GRIK1: variants seen among roughly 807,000 people sequenced by gnomAD.
GRIK1 encodes the protein glutamate ionotropic receptor kainate type subunit 1.
A neutral mutation model predicts 105.7 loss-of-function variants in GRIK1; 69 were observed. The ratio of observed to expected loss-of-function variants is 0.65; its 90% CI spans 0.54 to 0.80. The LOEUF is 0.80. Among genes scored for constraint, GRIK1 ranks in the 30% least tolerant of loss-of-function variants. The probability of loss-of-function intolerance (pLI) is 0.00; values close to 1 mark genes in which losing one functional copy is unlikely to be tolerated. For missense variants in GRIK1, 1,109 were observed against 1,167.3 expected, an observed-to-expected ratio of 0.95 and a Z score of 0.73; for synonymous variants, 438 against 431.3, an observed-to-expected ratio of 1.02 and a Z score of -0.19.
chr21:29,555,744 G>A (rs1312580333), intron 15 of GRIK1, among the ~76,000 whole-genome samples: 1 of 152,172 alleles, frequency 6.6e-6, no homozygotes, highest in Non-Finnish European at 1.5e-5. Context: ...CGGAATGGGA[G>A]GTCAGACAGA....
At chr21:29,794,558 C>T (rs536140343) in intron 1 of GRIK1, among the ~76,000 whole-genome samples, 5 of 152,318 alleles carry the variant, frequency 3.3e-5, no homozygotes, top group East Asian at 1.9e-4. Context: ...AAATGTACCT[C>T]GTTCCTTGTG....
chr21:29,907,756 C>T (rs1194408850), intron 1 of GRIK1, among the ~76,000 whole-genome samples: 2 of 152,026 alleles, frequency 1.3e-5, no homozygotes, highest in Non-Finnish European at 2.9e-5. Flanking sequence ...TCATTCTGTC[C>T]ATAATATGCT....
At chr21:29,905,650 G>A (rs1474628377) in intron 1 of GRIK1, among the ~76,000 whole-genome samples, 2 of 118,052 alleles carry the variant, frequency 1.7e-5, no homozygotes, top group Non-Finnish European at 3.3e-5. Context: ...TTTTTGAGAC[G>A]GAGTCTCGCT....
chr21:29,747,333 T>C (rs547853345), intron 1 of GRIK1, among the ~76,000 whole-genome samples: 2 of 152,328 alleles, frequency 1.3e-5, no homozygotes, highest in African/African-American at 4.8e-5. Context: ...GAGCATCCTT[T>C]TGAGTAGGAT....
intron 1 of GRIK1, among the ~76,000 whole-genome samples, chr21:29,822,902 T>A (rs1327124591): frequency 6.6e-6 from 1 of 152,000 alleles, no homozygotes; most frequent in Non-Finnish European, 1.5e-5. Context: ...AATGACCAGG[T>A]ATCAAGTACA....
chr21:29,786,097 T>G (rs1420168659), intron 1 of GRIK1, among the ~76,000 whole-genome samples: 1 of 152,224 alleles, frequency 6.6e-6, no homozygotes, highest in Non-Finnish European at 1.5e-5. Flanking sequence ...CAAGCGATTC[T>G]CTTGTCTCAG....
chr21:29,724,286 G>A (rs2064396683), intron 1 of GRIK1, among the ~76,000 whole-genome samples: 1 of 152,144 alleles, frequency 6.6e-6, no homozygotes, highest in Non-Finnish European at 1.5e-5. Context: ...TCCCTGTGGG[G>A]AAAAAGACCT....
chr21:29,731,232 A>G (rs464099), intron 1 of GRIK1, among the ~76,000 whole-genome samples: 130,007 of 152,160 alleles, frequency 0.85, 57,171 homozygotes, highest in Non-Finnish European at 0.96. Flanking sequence ...TTCTGCGAAA[A>G]CTTTGGCCAA....
At chr21:29,651,081 A>C (rs1406185887) in intron 6 of GRIK1, 37 bp downstream of exon 6, 2 of 1,525,368 alleles carry the variant, frequency 1.3e-6, no homozygotes. Flanking sequence ...AGGCATTCAA[A>C]TATTCTTGCA....
chr21:29,747,627 G>A (rs1447718453), intron 1 of GRIK1, among the ~76,000 whole-genome samples: 2 of 152,086 alleles, frequency 1.3e-5, no homozygotes, highest in African/African-American at 4.8e-5. Flanking sequence ...TCAGGAGATC[G>A]AGACCATCCT....
At chr21:29,901,848 A>AG (rs1009221011) in intron 1 of GRIK1, among the ~76,000 whole-genome samples, 3 of 152,130 alleles carry the variant, frequency 2.0e-5, no homozygotes, top group Admixed American at 1.3e-4. Context: ...AAGAAAAAAA[A>AG]GGAGAATTTT....
intron 1 of GRIK1, among the ~76,000 whole-genome samples, chr21:29,769,338 G>A (rs1451261363): frequency 2.0e-5 from 3 of 152,168 alleles, no homozygotes; most frequent in African/African-American, 7.2e-5. Flanking sequence ...GAGAGAAGAT[G>A]ATGTGAAGAC....
chr21:29,605,312 C>T (rs551997188), intron 7 of GRIK1, among the ~76,000 whole-genome samples: 2 of 152,252 alleles, frequency 1.3e-5, no homozygotes, highest in South Asian at 2.1e-4. Flanking sequence ...TGAGCACATG[C>T]GGTGTTTGGG....
intron 1 of GRIK1, among the ~76,000 whole-genome samples, chr21:29,808,521 C>T (rs1006443285): frequency 2.0e-5 from 3 of 152,130 alleles, no homozygotes; most frequent in Admixed American, 6.6e-5. Flanking sequence ...ATTACCAGGA[C>T]ATTCAAAGAA....
intron 16 of GRIK1, among the ~76,000 whole-genome samples, chr21:29,554,504 T>C (rs2090198501): frequency 6.6e-6 from 1 of 152,162 alleles, no homozygotes; most frequent in African/African-American, 2.4e-5. Context: ...ATACATTGCA[T>C]TTTCATTTTG....
intron 7 of GRIK1, among the ~76,000 whole-genome samples, chr21:29,604,681 A>G (rs544716859): frequency 1.3e-5 from 2 of 152,310 alleles, no homozygotes; most frequent in Admixed American, 6.5e-5. Context: ...AACAGAAAAC[A>G]ATACTTAAAC....
chr21:29,864,261 T>C (rs1396870968), intron 1 of GRIK1, among the ~76,000 whole-genome samples: 1 of 152,180 alleles, frequency 6.6e-6, no homozygotes, highest in African/African-American at 2.4e-5. Flanking sequence ...CATAATTTCA[T>C]TATTTTTTAC....
chr21:29,888,200 TC>T (rs2069735606), intron 1 of GRIK1, among the ~76,000 whole-genome samples: 18 of 31,606 alleles, frequency 5.7e-4, no homozygotes, highest in South Asian at 1.7e-3. Flanking sequence ...TTTCTTTCTC[TC>T]TCTCTCTCTC....
chr21:29,802,234 TG>T (rs1346826994), intron 1 of GRIK1, among the ~76,000 whole-genome samples: 1 of 152,186 alleles, frequency 6.6e-6, no homozygotes, highest in African/African-American at 2.4e-5. Context: ...TGTCAAGCCC[TG>T]CTATTAATCT....
Sources: gnomAD v4.1 joint callset for allele counts (sites outside exome capture counted in the v4.1 genomes callset) on GRCh38, gnomAD v4.1.1 for gene constraint, MANE v1.5 for transcripts, NCBI Gene and HGNC (gene_info 2026-07-23, HGNC 2026-07-21) for gene names.